Variants in MMP26 observed in about 807,000 individuals in gnomAD.
MMP26 encodes the protein matrix metallopeptidase 26, also known as matrix metalloproteinase-26.
In MMP26, 33 loss-of-function variants were observed where a neutral mutation model predicts 31.0. That is an observed-to-expected ratio of 1.06 (90% CI 0.81 to 1.42). MMP26 has a LOEUF of 1.42. Among genes scored for constraint, MMP26 ranks in the 40% most tolerant of loss-of-function variants. The pLI, the probability that MMP26 is intolerant of heterozygous loss-of-function variation, is 0.00. For synonymous variants in MMP26, 122 were observed against 114.9 expected (o/e 1.06, Z -0.40); for missense variants, 347 against 316.1 (o/e 1.10, Z -0.74).
chr11:4,928,059 G>C (rs925562673), intron 2 of MMP26, among the ~76,000 whole-genome samples: 17 of 152,132 alleles, frequency 1.1e-4, no homozygotes, highest in African/African-American at 3.6e-4. Context: ...AGGGTCGAGG[G>C]GGGAGAGAGA....
intron 2 of MMP26, chr11:4,946,313 T>C (rs1267372319): frequency 6.2e-7 from 1 of 1,613,860 alleles, no homozygotes. Flanking sequence ...GGCAAAGCGG[T>C]GGACAACGGC....
chr11:4,797,540 C>A (rs191152213), intron 2 of MMP26, among the ~76,000 whole-genome samples: 2 of 152,282 alleles, frequency 1.3e-5, no homozygotes, highest in East Asian at 3.9e-4. Context: ...GTTTAAACAT[C>A]CACTGAGCCC....
intron 2 of MMP26, among the ~76,000 whole-genome samples, chr11:4,847,259 CT>C (rs1454658362): frequency 6.6e-6 from 1 of 152,186 alleles, no homozygotes; most frequent in Non-Finnish European, 1.5e-5. Flanking sequence ...CACTTTGTCC[CT>C]CCTGATGTGG....
chr11:4,874,653 G>A (rs1047395639), intron 2 of MMP26, among the ~76,000 whole-genome samples: 1 of 151,716 alleles, frequency 6.6e-6, no homozygotes, highest in Non-Finnish European at 1.5e-5. Flanking sequence ...AAAGTTCAGA[G>A]CCACTATAGC....
chr11:4,976,633 T>C (rs1846740410), intron 2 of MMP26, among the ~76,000 whole-genome samples: 1 of 151,968 alleles, frequency 6.6e-6, no homozygotes, highest in African/African-American at 2.4e-5. Flanking sequence ...GCCTTTTTAG[T>C]GGAACAAAGG....
intron 2 of MMP26, chr11:4,883,017 C>T (rs1850501653): frequency 1.5e-6 from 1 of 660,568 alleles, no homozygotes. Flanking sequence ...GTAATTTTCC[C>T]CTGAGCTTAT....
intron 1 of MMP26, among the ~76,000 whole-genome samples, chr11:4,733,419 A>T (rs537088805): frequency 1.6e-4 from 24 of 152,130 alleles, no homozygotes; most frequent in Non-Finnish European, 5.9e-5. Context: ...TAACTAATCT[A>T]TTCTTTTTGA....
intron 2 of MMP26, chr11:4,821,240 C>G: frequency 1.5e-6 from 1 of 680,242 alleles, no homozygotes; most frequent in Non-Finnish European, 2.5e-6. Context: ...ATGTGAAACA[C>G]TGACAGACTT....
intron 2 of MMP26, among the ~76,000 whole-genome samples, chr11:4,974,965 G>A (rs376084934): frequency 1.3e-5 from 2 of 152,002 alleles, no homozygotes; most frequent in African/African-American, 4.8e-5. Context: ...GGGTTGAGGT[G>A]GGGGGAGGGA....
chr11:4,967,334 T>G (rs1360271623), intron 2 of MMP26, among the ~76,000 whole-genome samples: 1 of 152,220 alleles, frequency 6.6e-6, no homozygotes, highest in African/African-American at 2.4e-5. Flanking sequence ...TAATTATTTA[T>G]GTAAGTGCAG....
At chr11:4,771,161 T>C (rs1179700278) in intron 2 of MMP26, among the ~76,000 whole-genome samples, 1 of 152,218 alleles carries the variant, frequency 6.6e-6, no homozygotes, top group African/African-American at 2.4e-5. Context: ...GAAATTGATA[T>C]GTTTATAAAC....
At chr11:4,829,718 C>T (rs1263866142) in intron 2 of MMP26, among the ~76,000 whole-genome samples, 2 of 152,098 alleles carry the variant, frequency 1.3e-5, no homozygotes, top group Non-Finnish European at 2.9e-5. Flanking sequence ...TTGTTACTTA[C>T]CTAAAGCCAT....
At position 4,978,277 on chromosome 11, in the gene MMP26, G is replaced by A. The variant is rs138882024; in HGVS notation, c.-144-9791G>A. On this transcript the variant is annotated intron_variant, in intron 2 of 7. Transcript: ENST00000380390. Reference sequence around the variant, plus strand: ...AAAAATGGACAAAGACATCCATTTAGCATCAAAACAGGGCAAGAAGTGTCA... The same window carrying A: ...AAAAATGGACAAAGACATCCATTTAACATCAAAACAGGGCAAGAAGTGTCA... Among the ~76,000 whole-genome samples the A allele has an allele frequency of 2.8e-3, 420 of 152,132 alleles. 8 individuals carry two copies. The highest frequency in any genetic ancestry group is 9.9e-3 in the African/African-American group (411 of 41,518).
chr11:4,745,567 A>G (rs1413201922), intron 1 of MMP26, among the ~76,000 whole-genome samples: 3 of 152,176 alleles, frequency 2.0e-5, no homozygotes, highest in African/African-American at 2.4e-5. Context: ...GGAGTGGTAC[A>G]TTTGTACGTT....
intron 2 of MMP26, among the ~76,000 whole-genome samples, chr11:4,917,422 A>T (rs1851114126): frequency 6.6e-6 from 1 of 152,352 alleles, no homozygotes; most frequent in South Asian, 2.1e-4. Flanking sequence ...ATTCAGTGTC[A>T]AGTGGCAGAG....
intron 1 of MMP26, among the ~76,000 whole-genome samples, chr11:4,714,355 G>A (rs12364632): frequency 0.03 from 4,531 of 152,192 alleles, 94 homozygotes; most frequent in Middle Eastern, 0.082. Flanking sequence ...GGTTGTTAAT[G>A]TGTCCATGCA....
At chr11:4,762,224 A>G (rs7122028) in intron 1 of MMP26, among the ~76,000 whole-genome samples, 30,684 of 152,124 alleles carry the variant, frequency 0.2, 4,176 homozygotes, top group African/African-American at 0.39. Flanking sequence ...ATTTCATAGT[A>G]TAGAAAAGAG....
intron 2 of MMP26, chr11:4,860,371 A>G: frequency 6.4e-6 from 3 of 471,246 alleles, no homozygotes; most frequent in South Asian, 4.6e-5. Flanking sequence ...CAAGATAGAA[A>G]GGAAGTAATA....
intron 2 of MMP26, among the ~76,000 whole-genome samples, chr11:4,767,979 T>C (rs1848653630): frequency 6.6e-6 from 1 of 152,214 alleles, no homozygotes; most frequent in African/African-American, 2.4e-5. Flanking sequence ...TTTGTGTCTG[T>C]CTCTGTAAAA....
Sources: gnomAD v4.1 joint callset for allele counts (sites outside exome capture counted in the v4.1 genomes callset) on GRCh38, gnomAD v4.1.1 for gene constraint, MANE v1.5 for transcripts, NCBI Gene and HGNC (gene_info 2026-07-23, HGNC 2026-07-21) for gene names.